ZNF652: variants seen among roughly 807,000 people sequenced by gnomAD.
The protein encoded by ZNF652 is zinc finger protein 652.
In ZNF652, 16 loss-of-function variants were observed where a neutral mutation model predicts 45.2. That is an observed-to-expected ratio of 0.35 (90% confidence interval 0.24 to 0.54). The LOEUF (loss-of-function observed/expected upper bound fraction) is 0.54, where lower values mean the gene tolerates loss of function less well. ZNF652 is among the 20% of genes least tolerant of loss of function. The pLI is 0.91. For synonymous variants in ZNF652, 250 were observed against 260.6 expected (o/e 0.96, Z 0.39); for missense variants, 614 against 765.6 (o/e 0.80, Z 2.34).
At chr17:49,322,077 G>C (rs1257441592) in intron 1 of ZNF652, among the ~76,000 whole-genome samples, 2 of 152,112 alleles carry the variant, frequency 1.3e-5, no homozygotes, top group Non-Finnish European at 2.9e-5. Flanking sequence ...TTGAGGCAAG[G>C]TTCAAATCAA....
chr17:49,311,971 C>T lies in ZNF652; in HGVS notation c.1120G>A (p.Val374Met), dbSNP rs1283475198. The change falls in exon 4 of 6, where the codon GTG becomes ATG. Residue 374 changes from valine (V) to methionine (M), a missense_variant. Val to Met is a conservative substitution (Grantham distance 21, BLOSUM62 1). Transcript: ENST00000430262. The stretch of plus-strand genomic sequence containing the variant: ...TCTCCAGAATGCTGCAAGGAGTGCA[C>T]CTTGAGTGACATACTGCGTTTGAAT... Reference protein sequence around the residue: ...KSFKRSMSLKVHSLQHSGEKP... With the variant: ...KSFKRSMSLKMHSLQHSGEKP... The T allele has an allele frequency of 1.9e-6, 3 of 1,613,742 alleles. No individual in the cohort carries two copies. Among genetic ancestry groups the T allele is most frequent in the African/African-American group, 2.7e-5 (2 of 74,900 alleles).
rs1481178311 is a variant in ZNF652, at chr17:49,347,735, G to GGTTTTTTTTTT, written c.-259+14173_-259+14174insAAAAAAAAAAC. Among the ~76,000 whole-genome samples the GGTTTTTTTTTT allele has an allele frequency of 1.6e-5, 2 of 124,410 alleles. 1 individual carries two copies. 81.6% of individuals were successfully genotyped at this position (124,410 alleles called of 152,430 possible). A position where few individuals can be genotyped will look rare whatever the true frequency, so the allele number is the denominator to read the frequency against. On this transcript the variant is annotated intron_variant, in intron 1 of 5. Transcript: ENST00000430262. ...TGCCTGCAAGAAAAATTGAACCTTGGTTTTGTTTTTTTTTTTTTTTTTTTT... is the reference window on the plus strand; with the variant it reads ...TGCCTGCAAGAAAAATTGAACCTTGGGTTTTTTTTTTTTTTGTTTTTTTTTTTTTTTTTTTT...
chr17:49,296,475 C>T lies in ZNF652; in HGVS notation c.*1938G>A, dbSNP rs1023048072. 6 of 152,476 alleles carry T rather than the reference C, an allele frequency of 3.9e-5. No individual in the cohort carries two copies. The highest frequency in any genetic ancestry group is 1.4e-4 in the African/African-American group (6 of 41,384). The allele number at this position is 152,476 out of a possible 1,614,324, so 9.4% of individuals were successfully genotyped here. On this transcript the variant is annotated 3_prime_UTR_variant, in exon 6 of 6. Coordinates refer to ENST00000430262, the MANE Select transcript of ZNF652 (RefSeq NM_001145365.3). ...GAAAAGTGCTCGAAGCATATCTGCA[C>T]ATTTAATATTAAAAATAAAAAAATA...
At chr17:49,303,134 T>C (rs2069577318) in intron 5 of ZNF652, among the ~76,000 whole-genome samples, 1 of 152,068 alleles carries the variant, frequency 6.6e-6, no homozygotes, top group South Asian at 2.1e-4. Flanking sequence ...AAGACCAGCC[T>C]GGCCAACATA....
intron 1 of ZNF652, among the ~76,000 whole-genome samples, chr17:49,346,207 C>G (rs548993786): frequency 6.6e-6 from 1 of 152,220 alleles, no homozygotes; most frequent in South Asian, 2.1e-4. Context: ...TAATGATGCC[C>G]CCTCACAGGT....
At chr17:49,351,011 A>AC (rs2070272431) in intron 1 of ZNF652, among the ~76,000 whole-genome samples, 1 of 21,758 alleles carries the variant, frequency 4.6e-5, no homozygotes, top group Admixed American at 4.5e-4. Context: ...ATATATATAT[A>AC]TATACACACA....
rs1446555176 is a variant in ZNF652, at chr17:49,294,285, G to A, written c.*4128C>T. 6.6e-6 allele frequency among the ~76,000 whole-genome samples: 1 copy of A among 152,134 alleles called. No homozygotes were observed. The highest frequency in any genetic ancestry group is 1.5e-5 in the Non-Finnish European group (1 of 68,010). On this transcript the variant is annotated 3_prime_UTR_variant, in exon 6 of 6. Transcript: ENST00000430262. ...TCTAACCACTAGAAAAGGATACTTCGAACAAATGTGGTTTTAAAAAAATGA... is the reference window on the plus strand; with the variant it reads ...TCTAACCACTAGAAAAGGATACTTCAAACAAATGTGGTTTTAAAAAAATGA...
At chr17:49,309,777 G>A (rs2069684182) in intron 5 of ZNF652, among the ~76,000 whole-genome samples, 1 of 152,022 alleles carries the variant, frequency 6.6e-6, no homozygotes, top group African/African-American at 2.4e-5. Flanking sequence ...TCTTCATCTA[G>A]ACTAAAAATC....
chr17:49,312,367 C>T (rs1261560991), intron 3 of ZNF652, among the ~76,000 whole-genome samples: 1 of 151,880 alleles, frequency 6.6e-6, no homozygotes, highest in Non-Finnish European at 1.5e-5. Context: ...GGTTTCGCCA[C>T]GTTTGCCAGG....
At chr17:49,308,326 T>C (rs1228363708) in intron 5 of ZNF652, among the ~76,000 whole-genome samples, 1 of 152,046 alleles carries the variant, frequency 6.6e-6, no homozygotes, top group Non-Finnish European at 1.5e-5. Flanking sequence ...CACAAGCACA[T>C]GTCACCACCC....
In ZNF652 at chr17:49,362,193, G is replaced by A. The variant is rs1182301784; in HGVS notation, c.-543C>T. ...GCGGGCAGCGCGGGGCGGGCGGCAG[G>A]GGAGGGGGTGTGCGTGTGTGGATGT... is the stretch of plus-strand genomic sequence containing the variant. On this transcript the variant is annotated 5_prime_UTR_variant, in exon 1 of 6. Coordinates refer to ENST00000430262, the MANE Select transcript of ZNF652 (RefSeq NM_001145365.3). 2.7e-5 allele frequency: 4 copies of A among 150,792 alleles called. 1 individual carries two copies. The highest frequency in any genetic ancestry group is 3.9e-4 in the East Asian group (2 of 5,146). The allele number at this position is 150,792 out of a possible 1,614,324, so 9.3% of individuals were successfully genotyped here.
intron 1 of ZNF652, among the ~76,000 whole-genome samples, chr17:49,325,290 G>C (rs1171907680): frequency 1.3e-5 from 2 of 152,100 alleles, no homozygotes; most frequent in Non-Finnish European, 2.9e-5. Context: ...TCAGGGAATA[G>C]GAAGGCTTGA....
chr17:49,313,656 T>C (rs2069750313), intron 2 of ZNF652, among the ~76,000 whole-genome samples: 1 of 151,936 alleles, frequency 6.6e-6, no homozygotes, highest in African/African-American at 2.4e-5. Context: ...TGTAGAAATA[T>C]AAAAATGTTT....
chr17:49,328,936 C>T (rs532274326), intron 1 of ZNF652, among the ~76,000 whole-genome samples: 1 of 152,284 alleles, frequency 6.6e-6, no homozygotes, highest in South Asian at 2.1e-4. Context: ...CCAAGTTTAC[C>T]ACACTGTCTC....
At chr17:49,319,351 C>G (rs1028358595) in intron 1 of ZNF652, among the ~76,000 whole-genome samples, 3 of 151,216 alleles carry the variant, frequency 2.0e-5, no homozygotes, top group Admixed American at 1.3e-4. Context: ...AAGACAGTGT[C>G]GGGCCAGGCG....
At chr17:49,301,575 G>A (rs11651191) in intron 5 of ZNF652, among the ~76,000 whole-genome samples, 8,524 of 152,180 alleles carry the variant, frequency 0.056, 328 homozygotes, top group Middle Eastern at 0.14. Flanking sequence ...TGGGATTACA[G>A]GTGTGAGCCA....
chr17:49,359,051 T>TAGTTAAACTACCTAG (rs2070366662), intron 1 of ZNF652, among the ~76,000 whole-genome samples: 3 of 152,186 alleles, frequency 2.0e-5, no homozygotes, highest in African/African-American at 7.2e-5. Context: ...TGTGTGGGTG[T>TAGTTAAACTACCTAG]TTAACTAGGT....
chr17:49,302,777 C>T (rs905906422), intron 5 of ZNF652, among the ~76,000 whole-genome samples: 19 of 151,866 alleles, frequency 1.3e-4, no homozygotes, highest in African/African-American at 4.6e-4. Context: ...GCTTGGCCAA[C>T]ATGGTGAAAC....
intron 1 of ZNF652, among the ~76,000 whole-genome samples, chr17:49,336,821 A>G (rs1273330882): frequency 6.7e-6 from 1 of 149,564 alleles, no homozygotes; most frequent in African/African-American, 2.5e-5. Context: ...GTAGAGATGG[A>G]GTTTCATCAT....
Sources: gnomAD v4.1 joint callset for allele counts (sites outside exome capture counted in the v4.1 genomes callset) on GRCh38, gnomAD v4.1.1 for gene constraint, MANE v1.5 for transcripts, NCBI Gene and HGNC (gene_info 2026-07-23, HGNC 2026-07-21) for gene names.